Variants in MCF2 observed in about 807,000 individuals in gnomAD.
MCF2 encodes MCF.2 cell line derived transforming sequence, also known as proto-oncogene DBL.
Under a neutral mutation model 82.5 loss-of-function variants are expected in MCF2, and 44 were observed. That is an observed-to-expected ratio of 0.53 (90% CI 0.42 to 0.69). The LOEUF (loss-of-function observed/expected upper bound fraction) is 0.69, where lower values mean the gene tolerates loss of function less well. MCF2 is among the 30% of genes least tolerant of loss of function. The probability of loss-of-function intolerance (pLI) is 0.00; values close to 1 mark genes in which losing one functional copy is unlikely to be tolerated. For missense variants in MCF2, 623 were observed against 663.1 expected (o/e 0.94, Z 0.66); for synonymous variants, 217 against 224.9 (o/e 0.96, Z 0.32).
chrX:139,617,721 C>CA lies in MCF2; in HGVS notation c.808-18dup, dbSNP rs775000320. 13 of 1,028,436 alleles carry CA rather than the reference C, an allele frequency of 1.3e-5. No individual in the cohort carries two copies. The highest frequency in any genetic ancestry group is 1.7e-5 in the Non-Finnish European group (13 of 771,426). The allele number at this position is 1,028,436 out of a possible 1,213,427, so 84.8% of individuals were successfully genotyped here. On this transcript the variant is annotated splice_polypyrimidine_tract_variant and intron_variant, in intron 7 of 24. Coordinates refer to ENST00000370576, the Ensembl canonical transcript of MCF2. ...TAATAGCTCCTGATTATAACAAAGACAAAAAATAATGAATACATGATCTCT... is the reference window on the plus strand; with the variant it reads ...TAATAGCTCCTGATTATAACAAAGACAAAAAAATAATGAATACATGATCTCT...
rs923369076 is a variant in MCF2, at chrX:139,663,161, G to A, written c.-44-11373C>T. On this transcript the variant is annotated intron_variant, in intron 1 of 27. Coordinates refer to the MCF2 transcript ENST00000414978. The stretch of plus-strand genomic sequence containing the variant: ...TTCTTTTCATTTGGGTAGATACCCA[G>A]TAGCAGGATTGCTGGATGAAATGGT... 6.2e-5 allele frequency among the ~76,000 whole-genome samples: 7 copies of A among 112,379 alleles called. No homozygotes were observed. The South Asian group carries it at 2.6e-3, about 41-fold the overall frequency.
intron 16 of MCF2, among the ~76,000 whole-genome samples, chrX:139,599,802 C>T (rs1225915635): frequency 3.6e-5 from 4 of 111,580 alleles, no homozygotes; most frequent in Non-Finnish European, 7.5e-5. Flanking sequence ...AGCACTTTCA[C>T]TCCCAGGTGT....
chrX:139,589,813 G>T (rs765737599), intron 20 of MCF2, 22 bp downstream of exon 24: 2 of 1,090,322 alleles, frequency 1.8e-6, no homozygotes, highest in African/African-American at 1.8e-5. Context: ...TGGGTTTCTA[G>T]AAGAATTTTC....
chrX:139,642,323 T>C, intron 1 of MCF2: 2 of 801,374 alleles, frequency 2.5e-6, no homozygotes, highest in Non-Finnish European at 3.8e-6. Context: ...ATCACATCAA[T>C]GCAATCCATG....
At chrX:139,656,358 G>A (rs1244939326) in intron 1 of MCF2, among the ~76,000 whole-genome samples, 1 of 112,049 alleles carries the variant, frequency 8.9e-6, no homozygotes, top group Non-Finnish European at 1.9e-5. Flanking sequence ...CACCGCACCC[G>A]GCCAGTAAAT....
rs761685373 is a variant in MCF2, at chrX:139,604,789, T to A, written c.1674-39A>T. The A allele has an allele frequency of 2.4e-5, 27 of 1,112,132 alleles. No individual in the cohort carries two copies. In the African/African-American group the frequency reaches 4.9e-4, roughly 20 times the overall value. The allele number at this position is 1,112,132 out of a possible 1,213,427, so 91.7% of individuals were successfully genotyped here. A position where few individuals can be genotyped will look rare whatever the true frequency, so the allele number is the denominator to read the frequency against. On this transcript the variant is annotated intron_variant, in intron 14 of 24. Coordinates refer to ENST00000370576, the Ensembl canonical transcript of MCF2. The stretch of plus-strand genomic sequence containing the variant: ...AGAGAAAAAAAATTGCATGATTTTA[T>A]GTGAAATATAATAAACTGGTAAAGA...
intron 24 of MCF2, 46 bp downstream of exon 28, chrX:139,585,020 C>A: frequency 1.1e-6 from 1 of 910,019 alleles, no homozygotes; most frequent in South Asian, 2.4e-5. Flanking sequence ...TATATTTCAT[C>A]AGTAAAACTG....
chrX:139,692,363 A>C (rs923157380), intron 1 of MCF2, among the ~76,000 whole-genome samples: 1 of 110,389 alleles, frequency 9.1e-6, no homozygotes, highest in Non-Finnish European at 1.9e-5. Flanking sequence ...AGAGGCGCAG[A>C]GGCCCGAGAG....
intron 11 of MCF2, among the ~76,000 whole-genome samples, chrX:139,608,723 C>G (rs770324389): frequency 1.8e-5 from 2 of 111,789 alleles, no homozygotes; most frequent in Non-Finnish European, 3.8e-5. Flanking sequence ...TATTAGGCAA[C>G]CACAGTCCTA....
chrX:139,644,330 A>G (rs767277082), upstream of MCF2, among the ~76,000 whole-genome samples: 1 of 112,235 alleles, frequency 8.9e-6, no homozygotes, highest in African/African-American at 3.2e-5. Context: ...TGATTTCATC[A>G]TCTATAAGAC....
At chrX:139,654,080 T>C (rs189801417) in intron 1 of MCF2, among the ~76,000 whole-genome samples, 228 of 112,261 alleles carry the variant, frequency 2.0e-3, no homozygotes, top group Non-Finnish European at 3.9e-3. Flanking sequence ...ATTTTGGCTA[T>C]TGTAAATAGT....
chrX:139,690,017 T>C (rs1296471949), intron 1 of MCF2, among the ~76,000 whole-genome samples: 1 of 112,495 alleles, frequency 8.9e-6, no homozygotes, highest in Non-Finnish European at 1.9e-5. Context: ...CCATTTTACA[T>C]TTAAAATTGT....
rs901080265 is a variant in MCF2, at chrX:139,582,614, A to G, written c.2746-111T>C. The G allele has an allele frequency of 1.4e-5, 7 of 493,497 alleles. No individual in the cohort carries two copies. In the African/African-American group the frequency reaches 1.7e-4, roughly 12 times the overall value. 40.7% of individuals were successfully genotyped at this position (493,497 alleles called of 1,213,427 possible). On this transcript the variant is annotated intron_variant, in intron 24 of 24. Transcript: ENST00000370576. ...TTGGCAGGGAAGAAGGGTGTATGGA[A>G]TACATTGTGTTGCTCTTTTATATGT...
In MCF2 at chrX:139,617,211, C is replaced by T. The variant is rs747337865; in HGVS notation, c.999+302G>A. Among the ~76,000 whole-genome samples the T allele has an allele frequency of 6.3e-5, 7 of 111,118 alleles. No individual in the cohort carries two copies. In the East Asian group the frequency reaches 1.7e-3, roughly 27 times the overall value. ...ACCAGTGAAGGCTTCAGAGATGTAT[C>T]GAAAATACAAAGGAAGCCATTACTC... On this transcript the variant is annotated intron_variant, in intron 8 of 24. Coordinates refer to ENST00000370576, the Ensembl canonical transcript of MCF2.
chrX:139,690,924 G>A (rs1003879796), intron 1 of MCF2, among the ~76,000 whole-genome samples: 5 of 111,060 alleles, frequency 4.5e-5, no homozygotes, highest in African/African-American at 1.6e-4. Flanking sequence ...AGGCAGCCCC[G>A]GTGCCCCAGT....
intron 1 of MCF2, among the ~76,000 whole-genome samples, chrX:139,689,992 G>T (rs1461008056): frequency 1.8e-5 from 2 of 112,076 alleles, no homozygotes; most frequent in Admixed American, 9.5e-5. Flanking sequence ...AAATAGCTTC[G>T]AAGTATATGG....
At chrX:139,702,236 C>T (rs995088983) in intron 1 of MCF2, 3 of 112,048 alleles carry the variant, frequency 2.7e-5, no homozygotes, top group African/African-American at 9.7e-5. Context: ...TTTTCTGTGA[C>T]AAGAAAAAAA....
At chrX:139,650,073 G>A (rs1002467758) in intron 2 of MCF2, among the ~76,000 whole-genome samples, 1 of 112,243 alleles carries the variant, frequency 8.9e-6, no homozygotes, top group African/African-American at 3.2e-5. Context: ...GCAGAGGCCA[G>A]GCTGGGTGCG....
chrX:139,628,462 A>G (rs1932817260), intron 4 of MCF2, among the ~76,000 whole-genome samples: 1 of 111,141 alleles, frequency 9.0e-6, no homozygotes, highest in Non-Finnish European at 1.9e-5. Context: ...GACAGTGGGG[A>G]CTACTAGAGG....
Sources: allele counts gnomAD v4.1 joint callset (sites outside exome capture counted in the v4.1 genomes callset), GRCh38; gene constraint gnomAD v4.1.1; transcripts MANE v1.5; gene names NCBI Gene and HGNC (gene_info 2026-07-23, HGNC 2026-07-21).